The following CCDC126 variants were observed in gnomAD, a reference collection of about 807,000 sequenced individuals.
The protein encoded by CCDC126 is coiled-coil domain containing 126, also known as coiled-coil domain-containing protein 126.
In CCDC126, 5 loss-of-function variants were observed where a neutral mutation model predicts 11.7. The observed-to-expected ratio is 0.43, with a 90% CI of 0.22 to 0.90. CCDC126 has a LOEUF of 0.90. Among genes scored for constraint, CCDC126 ranks in the 40% least tolerant of loss-of-function variants. The pLI is 0.27. For missense variants in CCDC126, 150 were observed against 163.1 expected (o/e 0.92, Z 0.44); for synonymous variants, 60 against 61.9 (o/e 0.97, Z 0.14).
At chr7:23,619,112 C>G (rs1237269318) in intron 3 of CCDC126, among the ~76,000 whole-genome samples, 2 of 152,186 alleles carry the variant, frequency 1.3e-5, no homozygotes, top group Admixed American at 6.5e-5. Flanking sequence ...CTCAACTGCT[C>G]TATCCCCTTA....
chr7:23,616,982 A>C (rs960892121), intron 3 of CCDC126, among the ~76,000 whole-genome samples: 2 of 151,796 alleles, frequency 1.3e-5, no homozygotes, highest in Non-Finnish European at 2.9e-5. Flanking sequence ...TCATTTTTTG[A>C]GACGATTTCC....
intron 2 of CCDC126, among the ~76,000 whole-genome samples, chr7:23,602,593 A>G (rs1782561657): frequency 1.3e-5 from 2 of 152,110 alleles, no homozygotes; most frequent in African/African-American, 2.4e-5. Context: ...TCTCATTCTC[A>G]TTTGTTTGTA....
chr7:23,631,891 A>G (rs1312044752), intron 3 of CCDC126, among the ~76,000 whole-genome samples: 1 of 152,168 alleles, frequency 6.6e-6, no homozygotes, highest in Non-Finnish European at 1.5e-5. Flanking sequence ...CTTTAATGCA[A>G]TCTTTTCCAG....
At chr7:23,621,228 A>G (rs1318956195) in intron 3 of CCDC126, among the ~76,000 whole-genome samples, 4 of 152,314 alleles carry the variant, frequency 2.6e-5, no homozygotes, top group Middle Eastern at 6.8e-3. Context: ...ATGTTCTTCC[A>G]TTTGTTTGTA....
intron 3 of CCDC126, among the ~76,000 whole-genome samples, chr7:23,640,420 C>G (rs1783334049): frequency 1.3e-5 from 2 of 151,978 alleles, no homozygotes; most frequent in South Asian, 2.1e-4. Context: ...TCACTTGTAC[C>G]TGGGAGGTGG....
intron 3 of CCDC126, among the ~76,000 whole-genome samples, chr7:23,634,613 A>G (rs781374054): frequency 6.6e-6 from 1 of 152,192 alleles, no homozygotes; most frequent in Non-Finnish European, 1.5e-5. Context: ...CTCAAGGAAG[A>G]GTGAGCGATT....
At chr7:23,612,326 G>A (rs564688687) in intron 3 of CCDC126, among the ~76,000 whole-genome samples, 3 of 151,114 alleles carry the variant, frequency 2.0e-5, no homozygotes, top group African/African-American at 4.9e-5. Context: ...TCAGCTGGGC[G>A]TGGTGGCAGG....
At chr7:23,639,948 G>T (rs531331240) in intron 3 of CCDC126, among the ~76,000 whole-genome samples, 61 of 152,192 alleles carry the variant, frequency 4.0e-4, no homozygotes, top group African/African-American at 1.4e-3. Flanking sequence ...GGCCGAGGTG[G>T]GTAGATCACC....
At chr7:23,612,542 A>T (rs1782735113) in intron 3 of CCDC126, among the ~76,000 whole-genome samples, 1 of 150,896 alleles carries the variant, frequency 6.6e-6, no homozygotes, top group Admixed American at 6.6e-5. Context: ...GCATGGTGAT[A>T]CACACCTGTA....
chr7:23,641,981 C>T (rs914644985), intron 3 of CCDC126, among the ~76,000 whole-genome samples: 1 of 152,118 alleles, frequency 6.6e-6, no homozygotes, highest in Admixed American at 6.6e-5. Flanking sequence ...TCTTAGCTAG[C>T]TTTTTAGTTT....
At chr7:23,636,072 GC>G (rs1474756602) in intron 3 of CCDC126, among the ~76,000 whole-genome samples, 1 of 152,080 alleles carries the variant, frequency 6.6e-6, no homozygotes, top group African/African-American at 2.4e-5. Flanking sequence ...TGCTGTGTTG[GC>G]CGGGCTGGTC....
chr7:23,625,040 C>T (rs1401047613), intron 3 of CCDC126, among the ~76,000 whole-genome samples: 1 of 152,132 alleles, frequency 6.6e-6, no homozygotes, highest in Non-Finnish European at 1.5e-5. Context: ...GTCAGGGTCT[C>T]ACTGTGTTGC....
At chr7:23,610,266 C>G (rs1782686488) in intron 2 of CCDC126, among the ~76,000 whole-genome samples, 1 of 152,202 alleles carries the variant, frequency 6.6e-6, no homozygotes, top group African/African-American at 2.4e-5. Flanking sequence ...GGCTGGAGTA[C>G]AGTGGAATGA....
intron 3 of CCDC126, among the ~76,000 whole-genome samples, chr7:23,636,871 C>T (rs1183790097): frequency 6.5e-5 from 7 of 108,016 alleles, no homozygotes; most frequent in Admixed American, 1.7e-4. Context: ...CCCCTCTGCC[C>T]GGCCAGTCGC....
At chr7:23,601,654 T>C (rs902993886) in intron 2 of CCDC126, among the ~76,000 whole-genome samples, 1 of 152,218 alleles carries the variant, frequency 6.6e-6, no homozygotes, top group Non-Finnish European at 1.5e-5. Context: ...ATTTTCCTTA[T>C]CTTTATAATG....
chr7:23,628,581 G>A (rs1783053526), intron 3 of CCDC126, among the ~76,000 whole-genome samples: 1 of 152,170 alleles, frequency 6.6e-6, no homozygotes, highest in Non-Finnish European at 1.5e-5. Flanking sequence ...CTACAGTGAG[G>A]CATACAACAT....
chr7:23,609,563 A>G (rs1782672642), intron 2 of CCDC126, among the ~76,000 whole-genome samples: 3 of 152,192 alleles, frequency 2.0e-5, no homozygotes, highest in African/African-American at 7.2e-5. Flanking sequence ...ACTAAAAACT[A>G]AGTTAAACTA....
intron 3 of CCDC126, among the ~76,000 whole-genome samples, chr7:23,638,734 A>C (rs1170141648): frequency 7.1e-6 from 1 of 140,350 alleles, no homozygotes; most frequent in Non-Finnish European, 1.6e-5. Context: ...AATTAAAAAA[A>C]AAAAAAAAAA....
intron 3 of CCDC126, among the ~76,000 whole-genome samples, chr7:23,642,036 G>A (rs895091960): frequency 6.6e-6 from 1 of 152,082 alleles, no homozygotes; most frequent in Admixed American, 6.6e-5. Flanking sequence ...TTTTGAGAGG[G>A]AGTCTTGCTC....
Sources: allele counts gnomAD v4.1 joint callset (sites outside exome capture counted in the v4.1 genomes callset), GRCh38; gene constraint gnomAD v4.1.1; transcripts MANE v1.5; gene names NCBI Gene and HGNC (gene_info 2026-07-23, HGNC 2026-07-21).